The following DAPK1 variants were observed in gnomAD, a reference collection of about 807,000 sequenced individuals.
The protein encoded by DAPK1 is death associated protein kinase 1.
DAPK1 carries 56 observed loss-of-function variants against 144.9 expected under a neutral mutation model. The observed-to-expected ratio is 0.39, with a 90% confidence interval of 0.31 to 0.48. The LOEUF is 0.48. DAPK1 is among the 20% of genes least tolerant of loss of function. The pLI is 0.95. For missense variants in DAPK1, 1,454 were observed against 1,875.4 expected (o/e 0.78, Z 4.15); for synonymous variants, 690 against 749.0 (o/e 0.92, Z 1.29).
chr9:87,544,117 T>C (rs991157352), intron 2 of DAPK1, among the ~76,000 whole-genome samples: 1 of 152,192 alleles, frequency 6.6e-6, no homozygotes, highest in Admixed American at 6.5e-5. Context: ...ATTATCTAAA[T>C]TTTAGAAAAA....
At position 87,656,931 on chromosome 9, in the gene DAPK1, G is replaced by C. The variant is rs36214720; in HGVS notation, c.1825-1098G>C. Among the ~76,000 whole-genome samples the C allele has an allele frequency of 3.4e-3, 511 of 152,286 alleles. 1 individual carries two copies. Among genetic ancestry groups the C allele is most frequent in the Non-Finnish European group, 5.4e-3 (368 of 68,018 alleles). On this transcript the variant is annotated intron_variant, in intron 17 of 25. Transcript: ENST00000408954. ...CTGAGCTAGGGAGCTTGAGAGTAAG[G>C]GGGGAGGGGAGAAGGAAGATTTTTA...
At chr9:87,600,496 G>A (rs1407852817) in intron 2 of DAPK1, among the ~76,000 whole-genome samples, 1 of 152,184 alleles carries the variant, frequency 6.6e-6, no homozygotes, top group Non-Finnish European at 1.5e-5. Flanking sequence ...TGGAGGCCAA[G>A]GTGGGAGGAT....
chr9:87,507,708 G>T (rs1824658291), intron 2 of DAPK1, among the ~76,000 whole-genome samples: 1 of 152,038 alleles, frequency 6.6e-6, no homozygotes, highest in Admixed American at 6.5e-5. Context: ...TTGAGCAAAT[G>T]AATGCTTGTA....
intron 19 of DAPK1, among the ~76,000 whole-genome samples, chr9:87,673,336 T>C (rs1824245529): frequency 6.6e-6 from 1 of 152,232 alleles, no homozygotes; most frequent in Non-Finnish European, 1.5e-5. Context: ...GGTTTCCAAA[T>C]GGGCCAATTG....
At chr9:87,676,284 A>G (rs1280377757) in intron 19 of DAPK1, among the ~76,000 whole-genome samples, 5 of 152,190 alleles carry the variant, frequency 3.3e-5, no homozygotes, top group Admixed American at 3.3e-4. Context: ...TCCCCCTCCA[A>G]ATAAATCAGT....
intron 2 of DAPK1, among the ~76,000 whole-genome samples, chr9:87,590,031 C>T (rs1417716748): frequency 1.3e-5 from 2 of 152,216 alleles, no homozygotes; most frequent in Non-Finnish European, 2.9e-5. Flanking sequence ...TCTTGCTACT[C>T]ATTGACCATT....
At chr9:87,592,004 C>T (rs1284977096) in intron 2 of DAPK1, among the ~76,000 whole-genome samples, 1 of 152,222 alleles carries the variant, frequency 6.6e-6, no homozygotes, top group Non-Finnish European at 1.5e-5. Context: ...AGACCGTCCT[C>T]CGCTCCAGGG....
chr9:87,667,534 T>C (rs1049105500), intron 18 of DAPK1, among the ~76,000 whole-genome samples: 1 of 152,186 alleles, frequency 6.6e-6, no homozygotes, highest in South Asian at 2.1e-4. Context: ...AATGTCAGTG[T>C]TGGCAAGATT....
chr9:87,536,849 T>G (rs188605550), intron 2 of DAPK1, among the ~76,000 whole-genome samples: 1 of 152,216 alleles, frequency 6.6e-6, no homozygotes, highest in Admixed American at 6.5e-5. Context: ...AATTCAACAA[T>G]GGGGAAGAAC....
At chr9:87,615,550 A>G (rs1829065909) in intron 3 of DAPK1, among the ~76,000 whole-genome samples, 1 of 152,242 alleles carries the variant, frequency 6.6e-6, no homozygotes, top group African/African-American at 2.4e-5. Flanking sequence ...AGTAGAGTTG[A>G]TTATTTCAAA....
chr9:87,668,465 G>C, intron 18 of DAPK1, 132 bp from the exon 19 acceptor site: 1 of 712,774 alleles, frequency 1.4e-6, no homozygotes, highest in Non-Finnish European at 2.6e-6. Context: ...ACCGAGACGT[G>C]CTCTTTGTCC....
At chr9:87,693,374 G>T (rs932418839) in intron 21 of DAPK1, among the ~76,000 whole-genome samples, 1 of 151,304 alleles carries the variant, frequency 6.6e-6, no homozygotes, top group African/African-American at 2.4e-5. Context: ...TGCAGCTTTT[G>T]AATAAATTTT....
chr9:87,518,108 T>TG (rs1825141345), intron 2 of DAPK1, among the ~76,000 whole-genome samples: 1 of 26,462 alleles, frequency 3.8e-5, no homozygotes, highest in African/African-American at 8.4e-5. Context: ...TGTTGTTGTT[T>TG]TTTTTTTTTT....
chr9:87,685,368 G>A (rs2117895979), intron 20 of DAPK1, among the ~76,000 whole-genome samples: 1 of 152,226 alleles, frequency 6.6e-6, no homozygotes, highest in South Asian at 2.1e-4. Context: ...GGATTACCTT[G>A]GTGTTTGGAT....
intron 17 of DAPK1, among the ~76,000 whole-genome samples, chr9:87,654,018 G>A (rs998885008): frequency 1.3e-5 from 2 of 152,112 alleles, no homozygotes; most frequent in East Asian, 1.9e-4. Context: ...TTAGCTTTCC[G>A]CATTGAGAGT....
At chr9:87,537,746 C>T (rs1004282027) in intron 2 of DAPK1, among the ~76,000 whole-genome samples, 1 of 152,168 alleles carries the variant, frequency 6.6e-6, no homozygotes, top group Non-Finnish European at 1.5e-5. Flanking sequence ...TTTCTGGAAG[C>T]AGCAGATGGT....
At chr9:87,599,056 A>G (rs1286668072) in intron 2 of DAPK1, among the ~76,000 whole-genome samples, 1 of 152,154 alleles carries the variant, frequency 6.6e-6, no homozygotes, top group African/African-American at 2.4e-5. Flanking sequence ...CCCTCACAAA[A>G]CACTTTCCTA....
rs1159355413 is a variant in DAPK1 at position 87,641,978 on chromosome 9, A to G, written c.838A>G (p.Thr280Ala). 1 of 1,611,680 alleles carries G rather than the reference A, an allele frequency of 6.2e-7. No homozygotes were observed. The highest frequency in any genetic ancestry group is 1.3e-5 in the African/African-American group (1 of 74,862). Reference sequence around the variant, plus strand: ...TGGATTTTTATTTTAGCCTAAAGATACACAACAGGCACTTAGTAGAAAAGC... The same window carrying G: ...TGGATTTTTATTTTAGCCTAAAGATGCACAACAGGCACTTAGTAGAAAAGC... The part of the protein sequence containing the change: ...LQHPWIKPKD[T>A]QQALSRKASA... Residue 280 changes from threonine (T) to alanine (A), a missense_variant, in exon 10 of 26, where the codon ACA becomes GCA. Coordinates refer to ENST00000408954, the MANE Select transcript of DAPK1 (RefSeq NM_004938.4).
rs576811598 is a variant in DAPK1, at chr9:87,582,133, TC to T, written c.63-22820del. ...TACCAGGTGGAGCCTTCTCCTCCGG[TC>T]TTTTTTTTTAATGAGCTGGAGTAGC... is the stretch of plus-strand genomic sequence containing the variant. On this transcript the variant is annotated intron_variant, in intron 2 of 25. Coordinates refer to ENST00000408954, the MANE Select transcript of DAPK1 (RefSeq NM_004938.4). Among the ~76,000 whole-genome samples the T allele has an allele frequency of 1.7e-3, 253 of 152,050 alleles. 1 individual carries two copies. Among genetic ancestry groups the T allele is most frequent in the Admixed American group, 4.9e-3 (75 of 15,286 alleles).
Sources: allele counts gnomAD v4.1 joint callset (sites outside exome capture counted in the v4.1 genomes callset), GRCh38; gene constraint gnomAD v4.1.1; transcripts MANE v1.5; gene names NCBI Gene and HGNC (gene_info 2026-07-23, HGNC 2026-07-21).